Variants in ESR1 observed in about 807,000 individuals in gnomAD.
The protein encoded by ESR1 is estrogen receptor 1, also known as estrogen receptor.
A neutral mutation model predicts 52.7 loss-of-function variants in ESR1; 12 were observed. The observed-to-expected ratio is 0.23, with a 90% confidence interval of 0.15 to 0.37. ESR1 has a LOEUF of 0.37. Ranked by LOEUF, ESR1 falls within the 10% of genes least tolerant of loss-of-function variation. The pLI, the probability that ESR1 is intolerant of heterozygous loss-of-function variation, is 1.00. For synonymous variants in ESR1, 305 were observed against 316.8 expected (o/e 0.96, Z 0.39); for missense variants, 584 against 779.7 (o/e 0.75, Z 2.99).
At chr6:151,996,761 G>A (rs987877190) in intron 4 of ESR1, among the ~76,000 whole-genome samples, 1 of 152,060 alleles carries the variant, frequency 6.6e-6, no homozygotes, top group African/African-American at 2.4e-5. Flanking sequence ...CCTTCACACA[G>A]TAAATTGAAT....
chr6:151,765,012 A>G (rs1784938996), intron 2 of ESR1, among the ~76,000 whole-genome samples: 1 of 152,256 alleles, frequency 6.6e-6, no homozygotes, highest in Admixed American at 6.5e-5. Context: ...AAACTTTTCT[A>G]GTAATCACAT....
intron 3 of ESR1, among the ~76,000 whole-genome samples, chr6:151,886,947 A>G (rs529377225): frequency 7.2e-5 from 11 of 152,082 alleles, no homozygotes; most frequent in African/African-American, 2.7e-4. Context: ...AGCCTGAGGC[A>G]GGAGAATTGC....
chr6:151,959,244 T>TTTGTTTGA (rs2128589874), intron 4 of ESR1, among the ~76,000 whole-genome samples: 1 of 152,230 alleles, frequency 6.6e-6, no homozygotes, highest in African/African-American at 2.4e-5. Context: ...TTGGGTTGTC[T>TTTGTTTGA]CTTCCATCTT....
At chr6:152,041,329 C>A (rs1008942530) in intron 5 of ESR1, among the ~76,000 whole-genome samples, 1 of 152,154 alleles carries the variant, frequency 6.6e-6, no homozygotes, top group Non-Finnish European at 1.5e-5. Context: ...TCTTCTGGAT[C>A]CCACTCAAAA....
At chr6:152,108,844 T>G (rs551523695) in intron 6 of ESR1, among the ~76,000 whole-genome samples, 10 of 152,330 alleles carry the variant, frequency 6.6e-5, no homozygotes, top group African/African-American at 2.2e-4. Flanking sequence ...AAATACAGAA[T>G]GTACGTTGTA....
chr6:152,013,864 G>A (rs1160422093), intron 5 of ESR1, among the ~76,000 whole-genome samples: 1 of 151,952 alleles, frequency 6.6e-6, no homozygotes, highest in East Asian at 1.9e-4. Flanking sequence ...GACATTTTGG[G>A]TCAGATCATT....
chr6:151,732,928 C>T (rs1360508599), intron 2 of ESR1, among the ~76,000 whole-genome samples: 7 of 152,144 alleles, frequency 4.6e-5, no homozygotes, highest in Admixed American at 1.3e-4. Context: ...GGCTGCTGTC[C>T]ACATACCCTG....
At chr6:151,773,055 T>G (rs1260467102) in intron 2 of ESR1, among the ~76,000 whole-genome samples, 2 of 151,978 alleles carry the variant, frequency 1.3e-5, no homozygotes, top group Non-Finnish European at 2.9e-5. Flanking sequence ...TATTTGGAGG[T>G]GGGGTCTTTA....
rs1797704683 is a variant in ESR1 at position 151,908,003 on chromosome 6, G to A, written c.760+27232G>A. Among the ~76,000 whole-genome samples, 2 of 152,196 alleles carry A rather than the reference G, an allele frequency of 1.3e-5. 1 individual carries two copies. Among genetic ancestry groups the A allele is most frequent in the South Asian group, 4.1e-4 (2 of 4,824 alleles). On this transcript the variant is annotated intron_variant, in intron 3 of 7. Coordinates refer to ENST00000206249, the MANE Select transcript of ESR1 (RefSeq NM_000125.4). ...TAACAAAGAGGGTGAATAAATGAAT[G>A]AATATGTGATTCTGGAAGGGTATGT...
chr6:151,850,800 C>T (rs1000225806), intron 2 of ESR1, among the ~76,000 whole-genome samples: 42 of 152,178 alleles, frequency 2.8e-4, no homozygotes, highest in African/African-American at 7.2e-4. Context: ...TGTTGCATAG[C>T]TCTATTGAGT....
At chr6:151,842,196 C>T (rs11155815) in intron 1 of ESR1, among the ~76,000 whole-genome samples, 3 of 152,088 alleles carry the variant, frequency 2.0e-5, no homozygotes, top group Non-Finnish European at 2.9e-5. Flanking sequence ...CCAAATGTCC[C>T]AGCTGTTTTA....
chr6:151,847,156 G>A (rs1280391612), intron 2 of ESR1, among the ~76,000 whole-genome samples: 1 of 152,226 alleles, frequency 6.6e-6, no homozygotes, highest in African/African-American at 2.4e-5. Flanking sequence ...TCAGGGTAGA[G>A]TCTGGTTATG....
upstream of ESR1, among the ~76,000 whole-genome samples, chr6:151,800,451 T>C (rs986267659): frequency 1.3e-5 from 2 of 152,178 alleles, no homozygotes; most frequent in African/African-American, 4.8e-5. Flanking sequence ...ATTCACATAT[T>C]GAAGCCCTAA....
rs749838365 is a variant in ESR1, at chr6:152,122,686, G to T, written c.851-2580G>T. On this transcript the variant is annotated intron_variant, in intron 6 of 6. Transcript: ENST00000427531. ...GCCACCTTTTGTGGACCTGAGAGAAGAATGGACATAAATTACTCAGATAAC... is the reference window on the plus strand; with the variant it reads ...GCCACCTTTTGTGGACCTGAGAGAATAATGGACATAAATTACTCAGATAAC... 32 of 1,613,640 alleles carry T rather than the reference G, an allele frequency of 2.0e-5. No homozygotes were observed. The highest frequency in any genetic ancestry group is 2.6e-5 in the Non-Finnish European group (31 of 1,179,892).
chr6:151,865,701 A>G (rs1408183200), intron 2 of ESR1, among the ~76,000 whole-genome samples: 1 of 152,230 alleles, frequency 6.6e-6, no homozygotes, highest in Non-Finnish European at 1.5e-5. Context: ...AACGAACAAC[A>G]GATACATCTC....
chr6:151,735,234 G>T (rs2982557), intron 2 of ESR1, among the ~76,000 whole-genome samples: 7 of 151,352 alleles, frequency 4.6e-5, no homozygotes, highest in Admixed American at 1.3e-4. Context: ...ATGGTCTGTT[G>T]TTCTCTCTTG....
At chr6:151,749,192 CAAAA>C (rs34553218) in intron 2 of ESR1, among the ~76,000 whole-genome samples, 11 of 117,488 alleles carry the variant, frequency 9.4e-5, no homozygotes, top group Non-Finnish European at 1.4e-4. Context: ...TGGGAAAAGA[CAAAA>C]AAAAAAAAAA....
intron 4 of ESR1, among the ~76,000 whole-genome samples, chr6:152,001,562 A>G (rs574374965): frequency 6.6e-6 from 1 of 152,194 alleles, no homozygotes; most frequent in Admixed American, 6.5e-5. Context: ...TCCCAACTGT[A>G]GTACCTAGCT....
exon 7 of ESR1, chr6:152,125,594 G>A (rs2053121560): frequency 2.4e-6 from 1 of 424,708 alleles, no homozygotes; most frequent in Non-Finnish European, 4.1e-6. Context: ...TTTAAAATAT[G>A]CCCTGGCAAC....
Sources: allele counts gnomAD v4.1 joint callset (sites outside exome capture counted in the v4.1 genomes callset), GRCh38; gene constraint gnomAD v4.1.1; transcripts MANE v1.5; gene names NCBI Gene and HGNC (gene_info 2026-07-23, HGNC 2026-07-21).